The following ADGB variants were observed in gnomAD, a reference collection of about 807,000 sequenced individuals.
ADGB encodes the protein androglobin.
ADGB carries 172 observed loss-of-function variants against 210.5 expected under a neutral mutation model. That is an observed-to-expected ratio of 0.82 (90% CI 0.72 to 0.93). ADGB has a LOEUF of 0.93. ADGB is among the 40% of genes least tolerant of loss of function. The probability of loss-of-function intolerance (pLI) is 0.00; values close to 1 mark genes in which losing one functional copy is unlikely to be tolerated. For missense variants in ADGB, 2,025 were observed against 1,964.8 expected (o/e 1.03, Z -0.58); for synonymous variants, 658 against 662.7 (o/e 0.99, Z 0.11).
In ADGB at chr6:146,701,089, C is replaced by T; in HGVS notation, c.1707+19C>T. 6.5e-7 allele frequency: 1 copy of T among 1,548,584 alleles called. No homozygotes were observed. Among genetic ancestry groups the T allele is most frequent in the Non-Finnish European group, 8.7e-7 (1 of 1,145,756 alleles). ...ATCTCAGGTGACTATGTTACTCTTA[C>T]TGTTGGCCCAACTCTTAATGAGACA... On this transcript the variant is annotated intron_variant, in intron 13 of 35. Transcript: ENST00000397944.
intron 16 of ADGB, among the ~76,000 whole-genome samples, chr6:146,719,133 A>G (rs955746225): frequency 2.6e-5 from 4 of 152,182 alleles, no homozygotes; most frequent in Non-Finnish European, 5.9e-5. Flanking sequence ...AAGAGATACT[A>G]TTACCATCAT....
At position 146,699,801 on chromosome 6, in the gene ADGB, A is replaced by G. The variant is rs540889575; in HGVS notation, c.1578-1140A>G. On this transcript the variant is annotated intron_variant, in intron 12 of 35. Coordinates refer to ENST00000397944, the MANE Select transcript of ADGB (RefSeq NM_024694.4). Reference sequence around the variant, plus strand: ...GACCTCAAGGACAAATTTTCTTACAATTTGAATAGTCATAGCCAGCCTTTT... The same window carrying G: ...GACCTCAAGGACAAATTTTCTTACAGTTTGAATAGTCATAGCCAGCCTTTT... Among the ~76,000 whole-genome samples the G allele has an allele frequency of 5.1e-4, 77 of 152,304 alleles. No homozygotes were observed. In the Middle Eastern group the frequency reaches 0.01, roughly 20 times the overall value.
intron 3 of ADGB, among the ~76,000 whole-genome samples, chr6:146,648,730 C>T (rs1228906173): frequency 6.6e-6 from 1 of 151,934 alleles, no homozygotes; most frequent in East Asian, 1.9e-4. Context: ...AGACCCAAAC[C>T]ATATAAGCCA....
intron 30 of ADGB, among the ~76,000 whole-genome samples, chr6:146,784,192 T>C (rs1583637382): frequency 6.6e-6 from 1 of 152,186 alleles, no homozygotes; most frequent in Admixed American, 6.5e-5. Flanking sequence ...TTCTCACACC[T>C]CATCTCCTGG....
intron 33 of ADGB, among the ~76,000 whole-genome samples, chr6:146,795,360 A>G (rs1778024185): frequency 6.6e-6 from 1 of 152,164 alleles, no homozygotes; most frequent in Admixed American, 6.5e-5. Flanking sequence ...TCAACAGAGT[A>G]AACAAACAAC....
rs1227214985 is a variant in ADGB at position 146,775,734 on chromosome 6, T to C, written c.3863-6286T>C. 2.0e-5 allele frequency among the ~76,000 whole-genome samples: 3 copies of C among 152,202 alleles called. No homozygotes were observed. In the East Asian group the frequency reaches 5.8e-4, roughly 29 times the overall value. ...TTAACTCTAATTAATATTATACTGT[T>C]GTTCTTTATTTGGCACAATGCATGG... is the stretch of plus-strand genomic sequence containing the variant. On this transcript the variant is annotated intron_variant, in intron 29 of 35. Coordinates refer to ENST00000397944, the MANE Select transcript of ADGB (RefSeq NM_024694.4).
chr6:146,752,491 A>C, intron 26 of ADGB, 39 bp from the exon 27 acceptor site: 1 of 1,489,022 alleles, frequency 6.7e-7, no homozygotes, highest in Non-Finnish European at 9.0e-7. Context: ...GAGAAAGACC[A>C]ACATACTTGC....
At chr6:146,789,948 T>C (rs529263695) in intron 33 of ADGB, among the ~76,000 whole-genome samples, 1 of 152,310 alleles carries the variant, frequency 6.6e-6, no homozygotes, top group African/African-American at 2.4e-5. Flanking sequence ...TTAGTTAATT[T>C]AAAGATCTAT....
At chr6:146,609,521 G>C (rs1051713121) in intron 1 of ADGB, among the ~76,000 whole-genome samples, 4 of 152,138 alleles carry the variant, frequency 2.6e-5, no homozygotes. Flanking sequence ...TTGATTTATA[G>C]TGTCAATGTA....
intron 25 of ADGB, among the ~76,000 whole-genome samples, chr6:146,743,349 C>T (rs1291804710): frequency 2.6e-5 from 4 of 152,014 alleles, no homozygotes; most frequent in Admixed American, 2.0e-4. Context: ...GAACCAAGTA[C>T]GAATCTGATT....
At chr6:146,666,941 T>A (rs1775944436) in intron 7 of ADGB, 39 bp downstream of exon 7, 3 of 1,418,336 alleles carry the variant, frequency 2.1e-6, no homozygotes, top group South Asian at 1.3e-5. Flanking sequence ...CTATTTTTTT[T>A]ATCTTCCCAA....
Position 146,759,149 on chromosome 6 carries a change from A to C in ADGB, c.3551-4752A>C, listed in dbSNP as rs1440019306. On this transcript the variant is annotated intron_variant, in intron 27 of 35. Coordinates refer to ENST00000397944, the MANE Select transcript of ADGB (RefSeq NM_024694.4). ...GTGTGTGTGTCTTTACAGGATATCA[A>C]GGTACACACTACCTTGATAGGTATT... 5.3e-5 allele frequency among the ~76,000 whole-genome samples: 8 copies of C among 151,902 alleles called. No homozygotes were observed. In the East Asian group the frequency reaches 1.5e-3, roughly 29 times the overall value.
At chr6:146,800,615 G>T (rs1345086405) in intron 33 of ADGB, among the ~76,000 whole-genome samples, 35 of 151,992 alleles carry the variant, frequency 2.3e-4, no homozygotes, top group Non-Finnish European at 2.9e-5. Context: ...TGTTCTTGTG[G>T]GCTCGATACT....
At chr6:146,744,712 C>T (rs963142033) in intron 25 of ADGB, among the ~76,000 whole-genome samples, 1 of 152,000 alleles carries the variant, frequency 6.6e-6, no homozygotes, top group Middle Eastern at 3.2e-3. Flanking sequence ...TGGGATTCCT[C>T]GATACTCAGT....
chr6:146,799,679 A>C (rs1337738895), intron 33 of ADGB, among the ~76,000 whole-genome samples: 1 of 150,300 alleles, frequency 6.7e-6, no homozygotes, highest in East Asian at 2.0e-4. Flanking sequence ...TATATGTACC[A>C]CTCTGGTAGG....
rs1379469486 is a variant in ADGB at position 146,701,050 on chromosome 6, A to G, written c.1687A>G (p.Ile563Val). ...ACATAGCCAGACAGACTTGAGTCAA[A>G]TAACAAAAGCTACATCTCAGGTGAC... ...ATHSQTDLSQ[I>V]TKATSQGNTA... Residue 563 changes from isoleucine (I) to valine (V), a missense_variant, in exon 13 of 36, where the codon ATA (isoleucine) becomes GTA (valine). Transcript: ENST00000397944. 2 of 1,550,700 alleles carry G rather than the reference A, an allele frequency of 1.3e-6. No homozygotes were observed. The highest frequency in any genetic ancestry group is 2.4e-5 in the South Asian group (2 of 84,010).
intron 31 of ADGB, among the ~76,000 whole-genome samples, 171 bp downstream of exon 31, chr6:146,784,965 A>G (rs1777853734): frequency 6.6e-6 from 1 of 152,186 alleles, no homozygotes; most frequent in East Asian, 1.9e-4. Context: ...GACACATTGT[A>G]AAATGTTACC....
chr6:146,605,172 A>G (rs1425352872), intron 1 of ADGB, among the ~76,000 whole-genome samples: 1 of 152,188 alleles, frequency 6.6e-6, no homozygotes, highest in Non-Finnish European at 1.5e-5. Flanking sequence ...TAATTTGACA[A>G]TTGCATGGAA....
intron 32 of ADGB, among the ~76,000 whole-genome samples, 166 bp from the exon 33 acceptor site, chr6:146,788,223 C>T (rs910799332): frequency 6.6e-6 from 1 of 152,142 alleles, no homozygotes; most frequent in African/African-American, 2.4e-5. Flanking sequence ...CCTGGGTCAG[C>T]CTTCTAGGGT....
Sources: allele counts gnomAD v4.1 joint callset (sites outside exome capture counted in the v4.1 genomes callset), GRCh38; gene constraint gnomAD v4.1.1; transcripts MANE v1.5; gene names NCBI Gene and HGNC (gene_info 2026-07-23, HGNC 2026-07-21).